The following PXDNL variants were observed in gnomAD, a reference collection of about 807,000 sequenced individuals.
PXDNL encodes the protein probable oxidoreductase PXDNL.
PXDNL carries 145 observed loss-of-function variants against 150.8 expected under a neutral mutation model. The observed-to-expected ratio is 0.96, with a 90% confidence interval of 0.84 to 1.10. The LOEUF is 1.10. PXDNL is among the 50% of genes least tolerant of loss of function. PXDNL has a pLI of 0.00. For synonymous variants in PXDNL, 757 were observed against 725.7 expected, an observed-to-expected ratio of 1.04 and a Z score of -0.69; for missense variants, 2,087 against 1,873.9, an observed-to-expected ratio of 1.11 and a Z score of -2.10.
intron 1 of PXDNL, among the ~76,000 whole-genome samples, chr8:51,730,220 G>GC (rs1816892832): frequency 1.4e-4 from 18 of 124,292 alleles, no homozygotes; most frequent in Admixed American, 1.1e-3. Context: ...ATGGCATATG[G>GC]GCCCTCTCTG....
chr8:51,420,805 C>T (rs1456821737), intron 14 of PXDNL, among the ~76,000 whole-genome samples: 1 of 152,162 alleles, frequency 6.6e-6, no homozygotes, highest in East Asian at 1.9e-4. Context: ...TCTCTTGCCT[C>T]GGCCTCCCAA....
At chr8:51,545,160 AATT>A (rs1358900851) in intron 4 of PXDNL, among the ~76,000 whole-genome samples, 4 of 152,114 alleles carry the variant, frequency 2.6e-5, no homozygotes, top group Non-Finnish European at 4.4e-5. Context: ...TAAGACTAGT[AATT>A]ATTATCAGAA....
Position 51,765,690 on chromosome 8 carries a change from TTAA to T in PXDNL, c.164+43488_164+43490del, listed in dbSNP as rs544720637. ...TTATATTAATTTGTATCATATTTCA[TTAA>T]TATTATTATAAATAAAGATAAGGTG... On this transcript the variant is annotated intron_variant, in intron 1 of 22. Coordinates refer to ENST00000356297, the MANE Select transcript of PXDNL (RefSeq NM_144651.5). Among the ~76,000 whole-genome samples, 363 of 152,280 alleles carry T rather than the reference TTAA, an allele frequency of 2.4e-3. 3 individuals carry two copies. The highest frequency in any genetic ancestry group is 7.5e-3 in the African/African-American group (311 of 41,552).
intron 4 of PXDNL, among the ~76,000 whole-genome samples, chr8:51,553,331 C>T (rs1200422372): frequency 6.6e-6 from 1 of 152,158 alleles, no homozygotes; most frequent in Non-Finnish European, 1.5e-5. Flanking sequence ...GCATTGTACT[C>T]GTATGGACTG....
At position 51,408,236 on chromosome 8, in the gene PXDNL, C is replaced by T; in HGVS notation, c.3388G>A (p.Ala1130Thr). 1 of 1,613,994 alleles carries T rather than the reference C, an allele frequency of 6.2e-7. No individual in the cohort carries two copies. The highest frequency in any genetic ancestry group is 8.5e-7 in the Non-Finnish European group (1 of 1,179,904). ...PELTQRLFSAAYSAAVDSAAT... is the reference protein window; with the variant it reads ...PELTQRLFSATYSAAVDSAAT... ...GCCGAATCCACGGCCGCAGAATAAG[C>T]CGCGGAGAAGAGCCTCTGGGTCAGC... Residue 1130 changes from alanine to threonine, a missense_variant, in exon 17 of 23, where the codon GCT (alanine) becomes ACT (threonine). Transcript: ENST00000356297.
intron 3 of PXDNL, among the ~76,000 whole-genome samples, chr8:51,585,847 C>A (rs182542431): frequency 5.3e-5 from 8 of 152,092 alleles, no homozygotes; most frequent in Non-Finnish European, 1.0e-4. Flanking sequence ...CCATCAAGAC[C>A]AACCTGCCAC....
chr8:51,632,309 C>T lies in PXDNL; in HGVS notation c.236+22380G>A, dbSNP rs554645246. Among the ~76,000 whole-genome samples the T allele has an allele frequency of 2.0e-5, 3 of 152,260 alleles. No homozygotes were observed. In the East Asian group the frequency reaches 5.8e-4, roughly 29 times the overall value. On this transcript the variant is annotated intron_variant, in intron 2 of 22. Transcript: ENST00000356297. Reference sequence around the variant, plus strand: ...TACATCTAACAGGCTATATTATTTACACCACAACAGGCAGGGTGGGGTGGC... The same window carrying T: ...TACATCTAACAGGCTATATTATTTATACCACAACAGGCAGGGTGGGGTGGC...
intron 5 of PXDNL, among the ~76,000 whole-genome samples, chr8:51,486,479 T>C (rs1052133864): frequency 6.6e-6 from 1 of 151,574 alleles, no homozygotes; most frequent in African/African-American, 2.4e-5. Context: ...AAAATTATGA[T>C]AATAATAACT....
intron 3 of PXDNL, among the ~76,000 whole-genome samples, chr8:51,568,295 G>A (rs935344340): frequency 5.9e-5 from 9 of 151,698 alleles, no homozygotes; most frequent in Admixed American, 3.3e-4. Context: ...TTGCAAGGCA[G>A]GTCTATTAGT....
At chr8:51,574,562 T>C (rs1585590686) in intron 3 of PXDNL, among the ~76,000 whole-genome samples, 1 of 151,828 alleles carries the variant, frequency 6.6e-6, no homozygotes, top group African/African-American at 2.4e-5. Context: ...AATCTACAGA[T>C]TCAAGTTGCT....
rs188036164 is a variant in PXDNL at position 51,580,859 on chromosome 8, G to A, written c.308+11768C>T. 1.1e-4 allele frequency among the ~76,000 whole-genome samples: 16 copies of A among 152,306 alleles called. No individual in the cohort carries two copies. In the East Asian group the frequency reaches 2.9e-3, roughly 28 times the overall value. On this transcript the variant is annotated intron_variant, in intron 3 of 22. Coordinates refer to ENST00000356297, the MANE Select transcript of PXDNL (RefSeq NM_144651.5). ...AATCTAGAAAAGTTACATAAAGGAT[G>A]TGAGCTGCTGGCTGTTCATGAAATA...
In PXDNL at chr8:51,474,990, C is replaced by T; in HGVS notation, c.676G>A (p.Val226Ile). 6.2e-7 allele frequency: 1 copy of T among 1,601,470 alleles called. No homozygotes were observed. Among genetic ancestry groups the T allele is most frequent in the Non-Finnish European group, 8.5e-7 (1 of 1,173,512 alleles). Residue 226 changes from valine to isoleucine, a missense_variant, in exon 7 of 23, where the codon GTA becomes ATA. Physicochemically the swap from Val to Ile is conservative, Grantham distance 29 (BLOSUM62 3). Transcript: ENST00000356297. Reference protein sequence around the residue: ...LHGRAVASVTVEEFNCQSPRI... With the variant: ...LHGRAVASVTIEEFNCQSPRI... ...TACGTACGGCAATTGAATTCCTCTA[C>T]TGTTACTGAAGCAACTGCACGCCCA...
chr8:51,486,794 A>AT lies in PXDNL; in HGVS notation c.453-3081dup, dbSNP rs1195750381. 2.8e-4 allele frequency among the ~76,000 whole-genome samples: 7 copies of AT among 24,714 alleles called. 1 individual carries two copies. The highest frequency in any genetic ancestry group is 8.8e-4 in the African/African-American group (5 of 5,686). 16.2% of individuals were successfully genotyped at this position (24,714 alleles called of 152,430 possible). On this transcript the variant is annotated intron_variant, in intron 5 of 22. Coordinates refer to ENST00000356297, the MANE Select transcript of PXDNL (RefSeq NM_144651.5). ...TATATATATATATATATATATATATATTTTTTTTTTTTTTTTTTTTTTTTT... is the reference window on the plus strand; with the variant it reads ...TATATATATATATATATATATATATATTTTTTTTTTTTTTTTTTTTTTTTTT...
At chr8:51,494,664 A>T (rs1333211974) in intron 5 of PXDNL, among the ~76,000 whole-genome samples, 1 of 152,152 alleles carries the variant, frequency 6.6e-6, no homozygotes, top group Non-Finnish European at 1.5e-5. Context: ...AAACCAACAA[A>T]GATCAAAAGA....
intron 2 of PXDNL, among the ~76,000 whole-genome samples, chr8:51,612,594 A>G (rs751831559): frequency 6.6e-6 from 1 of 152,038 alleles, no homozygotes; most frequent in Non-Finnish European, 1.5e-5. Context: ...GACCTTTGAG[A>G]GGTGATCAGG....
At chr8:51,735,545 T>TTTG (rs1554510831) in intron 1 of PXDNL, among the ~76,000 whole-genome samples, 22 of 115,688 alleles carry the variant, frequency 1.9e-4, no homozygotes, top group African/African-American at 8.0e-4. Flanking sequence ...TTTTTTTTTT[T>TTTG]TTTTTTTTTT....
At chr8:51,602,408 G>T (rs1468706571) in intron 2 of PXDNL, among the ~76,000 whole-genome samples, 1 of 151,530 alleles carries the variant, frequency 6.6e-6, no homozygotes, top group Non-Finnish European at 1.5e-5. Flanking sequence ...ATCAGATTAT[G>T]TTAATTCAAA....
chr8:51,392,313 T>G (rs2130842053), intron 17 of PXDNL, among the ~76,000 whole-genome samples: 1 of 152,322 alleles, frequency 6.6e-6, no homozygotes, highest in African/African-American at 2.4e-5. Flanking sequence ...GCGTTGAATC[T>G]ATAAATTACC....
At chr8:51,338,182 C>CAAAA (rs757946882) in intron 21 of PXDNL, among the ~76,000 whole-genome samples, 2 of 90,002 alleles carry the variant, frequency 2.2e-5, no homozygotes, top group African/African-American at 3.5e-5. Context: ...GACTCCATCT[C>CAAAA]AAAAAAAAAA....
Sources: gnomAD v4.1 joint callset for allele counts (sites outside exome capture counted in the v4.1 genomes callset) on GRCh38, gnomAD v4.1.1 for gene constraint, MANE v1.5 for transcripts, NCBI Gene and HGNC (gene_info 2026-07-23, HGNC 2026-07-21) for gene names.